Variants in PAX7 observed in about 807,000 individuals in gnomAD.
PAX7 encodes paired box 7.
PAX7 carries 18 observed loss-of-function variants against 50.7 expected under a neutral mutation model. That is an observed-to-expected ratio of 0.36 (90% CI 0.25 to 0.53). The LOEUF (loss-of-function observed/expected upper bound fraction) is 0.53, where lower values mean the gene tolerates loss of function less well. Among genes scored for constraint, PAX7 ranks in the 20% least tolerant of loss-of-function variants. PAX7 has a pLI of 0.93. For synonymous variants in PAX7, 310 were observed against 290.4 expected (o/e 1.07, Z -0.69); for missense variants, 644 against 702.9 (o/e 0.92, Z 0.95).
chr1:18,673,432 T>C (rs1183022991), intron 4 of PAX7, among the ~76,000 whole-genome samples: 1 of 152,184 alleles, frequency 6.6e-6, no homozygotes. Flanking sequence ...CATGACTTCG[T>C]GCCCTGTCAG....
intron 7 of PAX7, among the ~76,000 whole-genome samples, chr1:18,705,863 T>G (rs982454164): frequency 6.6e-6 from 1 of 152,038 alleles, no homozygotes; most frequent in Non-Finnish European, 1.5e-5. Context: ...GAGGCTGACA[T>G]GATGAATCGG....
intron 4 of PAX7, among the ~76,000 whole-genome samples, chr1:18,662,954 TA>T (rs1349812457): frequency 6.6e-6 from 1 of 151,450 alleles, no homozygotes; most frequent in Non-Finnish European, 1.5e-5. Flanking sequence ...ATATAGAAAG[TA>T]AAAAAGCTTG....
At chr1:18,649,208 C>T (rs1160674462) in intron 4 of PAX7, among the ~76,000 whole-genome samples, 3 of 152,128 alleles carry the variant, frequency 2.0e-5, no homozygotes, top group East Asian at 1.9e-4. Context: ...CAGTTATGTG[C>T]GGGTACAGGA....
chr1:18,647,165 T>C, intron 4 of PAX7, among the ~76,000 whole-genome samples: 1 of 151,984 alleles, frequency 6.6e-6, no homozygotes, highest in Non-Finnish European at 1.5e-5. Flanking sequence ...TCTGCTGAGC[T>C]TGGCTGGGTC....
chr1:18,708,521 C>A (rs768526971), intron 7 of PAX7, among the ~76,000 whole-genome samples: 1 of 151,858 alleles, frequency 6.6e-6, no homozygotes, highest in East Asian at 1.9e-4. Flanking sequence ...TGCCACTGTG[C>A]GCCAGCCTAG....
intron 7 of PAX7, among the ~76,000 whole-genome samples, chr1:18,732,388 C>T (rs1179604928): frequency 1.3e-5 from 2 of 152,148 alleles, no homozygotes; most frequent in Non-Finnish European, 2.9e-5. Flanking sequence ...GTTTTCTGAG[C>T]TCAGAATATG....
chr1:18,685,695 GA>G (rs2088964238), intron 4 of PAX7, among the ~76,000 whole-genome samples: 1 of 152,232 alleles, frequency 6.6e-6, no homozygotes, highest in Admixed American at 6.5e-5. Flanking sequence ...GCTGGACAGG[GA>G]ACTGTATGGG....
At chr1:18,685,688 G>A (rs2088964136) in intron 4 of PAX7, among the ~76,000 whole-genome samples, 1 of 152,218 alleles carries the variant, frequency 6.6e-6, no homozygotes, top group African/African-American at 2.4e-5. Flanking sequence ...ATGAGTGGCT[G>A]GACAGGGAAC....
At chr1:18,654,915 G>C (rs1293004028) in intron 4 of PAX7, among the ~76,000 whole-genome samples, 1 of 152,206 alleles carries the variant, frequency 6.6e-6, no homozygotes, top group African/African-American at 2.4e-5. Flanking sequence ...CAGGCTTTGG[G>C]CCTGGGGCCT....
intron 8 of PAX7, among the ~76,000 whole-genome samples, chr1:18,739,659 T>A (rs1931013689): frequency 1.3e-5 from 2 of 152,156 alleles, no homozygotes; most frequent in African/African-American, 2.4e-5. Context: ...CCTTCAGGTG[T>A]GCATGGAACA....
chr1:18,732,779 T>C (rs970468687), intron 7 of PAX7, among the ~76,000 whole-genome samples: 12 of 152,124 alleles, frequency 7.9e-5, no homozygotes, highest in African/African-American at 2.9e-4. Context: ...CACATAGCTC[T>C]CAGCCTGTCT....
At chr1:18,655,889 C>T (rs2088509510) in intron 4 of PAX7, among the ~76,000 whole-genome samples, 2 of 151,664 alleles carry the variant, frequency 1.3e-5, no homozygotes, top group South Asian at 2.1e-4. Context: ...AAGTCACATT[C>T]GTTTGTTCAT....
intron 4 of PAX7, among the ~76,000 whole-genome samples, chr1:18,649,592 T>A (rs2088400275): frequency 6.6e-6 from 1 of 151,428 alleles, no homozygotes; most frequent in Non-Finnish European, 1.5e-5. Context: ...GTTCAAGCCA[T>A]TGCCACACCC....
chr1:18,675,247 G>A (rs770169902), intron 4 of PAX7, among the ~76,000 whole-genome samples: 27 of 151,816 alleles, frequency 1.8e-4, no homozygotes, highest in Non-Finnish European at 3.7e-4. Context: ...CCTGACACAC[G>A]CCCACCATGA....
chr1:18,651,558 A>G (rs1377609042), intron 4 of PAX7, among the ~76,000 whole-genome samples: 2 of 152,166 alleles, frequency 1.3e-5, no homozygotes, highest in African/African-American at 4.8e-5. Flanking sequence ...GCAGATATAT[A>G]TTTGAAGGAA....
chr1:18,698,272 T>TACACACACACACACAC (rs71018097), intron 5 of PAX7, among the ~76,000 whole-genome samples: 11 of 147,320 alleles, frequency 7.5e-5, no homozygotes, highest in African/African-American at 2.8e-4. Flanking sequence ...ATTGTTAAAA[T>TACACACACACACACAC]ACACACACAC....
In PAX7 at chr1:18,691,829, G is replaced by A. The variant is rs1022812740; in HGVS notation, c.662G>A (p.Arg221Gln). Reference sequence around the variant, plus strand: ...CTGAAGCGCAAGCAGCGACGCAGTCGGACCACATTCACGGCCGAGCAGCTG... The same window carrying A: ...CTGAAGCGCAAGCAGCGACGCAGTCAGACCACATTCACGGCCGAGCAGCTG... ...LPLKRKQRRSRTTFTAEQLEE... is the reference protein window; with the variant it reads ...LPLKRKQRRSQTTFTAEQLEE... The change falls in exon 5 of 9, where the codon CGG becomes CAG. Residue 221 changes from arginine to glutamine, a missense_variant. Arg to Gln is a conservative substitution (Grantham distance 43, BLOSUM62 1). Coordinates refer to ENST00000420770, the MANE Select transcript of PAX7 (RefSeq NM_001135254.2). The A allele has an allele frequency of 1.2e-6, 2 of 1,613,104 alleles. No homozygotes were observed. The highest frequency in any genetic ancestry group is 1.7e-6 in the Non-Finnish European group (2 of 1,179,696).
At position 18,691,836 on chromosome 1, in the gene PAX7, A is replaced by G. The variant is rs528807375; in HGVS notation, c.669A>G (p.Thr223=). ...LKRKQRRSRT[T]FTAEQLEELE... ...GCAAGCAGCGACGCAGTCGGACCAC[A>G]TTCACGGCCGAGCAGCTGGAGGAGC... Residue 223 remains threonine, a synonymous_variant, in exon 5 of 9, where the codon ACA becomes ACG. Transcript: ENST00000420770. The G allele has an allele frequency of 1.1e-4, 176 of 1,613,574 alleles. No individual in the cohort carries two copies. In the South Asian group the frequency reaches 1.7e-3, roughly 16 times the overall value.
At chr1:18,738,142 C>CTGTGTGTGTG (rs374135110) in intron 8 of PAX7, among the ~76,000 whole-genome samples, 1 of 149,812 alleles carries the variant, frequency 6.7e-6, no homozygotes, top group Non-Finnish European at 1.5e-5. Flanking sequence ...GTGTGTATAA[C>CTGTGTGTGTG]TGTGTGTGTG....
Sources: allele counts gnomAD v4.1 joint callset (sites outside exome capture counted in the v4.1 genomes callset), GRCh38; gene constraint gnomAD v4.1.1; transcripts MANE v1.5; gene names NCBI Gene and HGNC (gene_info 2026-07-23, HGNC 2026-07-21).